Variants in TRIO observed in about 807,000 individuals in gnomAD.
The protein encoded by TRIO is triple functional domain protein.
In TRIO, 58 loss-of-function variants were observed where a neutral mutation model predicts 351.9. The ratio of observed to expected loss-of-function variants is 0.16; its 90% CI spans 0.13 to 0.21. The LOEUF (loss-of-function observed/expected upper bound fraction) is 0.21, where lower values mean the gene tolerates loss of function less well. TRIO is among the 10% of genes least tolerant of loss of function. TRIO has a pLI of 1.00. For synonymous variants in TRIO, 1,758 were observed against 1,595.7 expected (o/e 1.10, Z -2.42); for missense variants, 3,201 against 4,027.8 (o/e 0.79, Z 5.56).
At chr5:14,462,060 C>T (rs1001368447) in intron 35 of TRIO, among the ~76,000 whole-genome samples, 1 of 152,136 alleles carries the variant, frequency 6.6e-6, no homozygotes, top group Non-Finnish European at 1.5e-5. Flanking sequence ...TAACTTGGAT[C>T]GACCCCCGAC....
intron 1 of TRIO, among the ~76,000 whole-genome samples, chr5:14,174,693 C>T (rs1014990599): frequency 3.9e-5 from 6 of 152,178 alleles, no homozygotes; most frequent in Non-Finnish European, 7.3e-5. Context: ...TTGTGACATT[C>T]CCTCCATAGG....
intron 31 of TRIO, 152 bp from the exon 32 acceptor site, chr5:14,405,696 G>T: frequency 1.2e-6 from 1 of 813,140 alleles, no homozygotes; most frequent in Non-Finnish European, 1.9e-6. Flanking sequence ...TCATTTATTT[G>T]GTAGCATATT....
Position 14,487,569 on chromosome 5 carries a change from C to T in TRIO, c.6941C>T (p.Pro2314Leu). The T allele has an allele frequency of 8.9e-7, 1 of 1,123,732 alleles. No individual in the cohort carries two copies. Among genetic ancestry groups the T allele is most frequent in the Non-Finnish European group, 1.1e-6 (1 of 911,022 alleles). 69.6% of individuals were successfully genotyped at this position (1,123,732 alleles called of 1,614,324 possible). The change falls in exon 48 of 57, where the codon CCC (proline) becomes CTC (leucine). Residue 2314 changes from proline (P) to leucine (L), a missense_variant. By Grantham distance (98) the Pro-to-Leu change is moderately conservative. This residue lies in a region of TRIO where 1,089 missense variants were observed against 954.9 expected (regional missense o/e 1.14). Transcript: ENST00000344204. ...GGGGSGGGGA[P>L]SGGSGHSGGP... ...GGGGGCAGCGGCGGCGGCGGGGCCCCCAGTGGCGGCAGCGGCCACAGTGGC... is the reference window on the plus strand; with the variant it reads ...GGGGGCAGCGGCGGCGGCGGGGCCCTCAGTGGCGGCAGCGGCCACAGTGGC...
At chr5:14,427,592 G>T (rs887166698) in intron 34 of TRIO, among the ~76,000 whole-genome samples, 1 of 152,128 alleles carries the variant, frequency 6.6e-6, no homozygotes, top group Non-Finnish European at 1.5e-5. Flanking sequence ...CCCACCCAGG[G>T]CAGTTGACAG....
intron 39 of TRIO, 144 bp from the exon 40 acceptor site, chr5:14,473,849 GT>G (rs545184987): frequency 1.3e-4 from 82 of 638,522 alleles, no homozygotes; most frequent in Non-Finnish European, 1.9e-4. Flanking sequence ...TTTCATATCG[GT>G]TTTTTTTGTT....
intron 53 of TRIO, 75 bp from the exon 54 acceptor site, chr5:14,502,504 A>G: frequency 1.4e-6 from 2 of 1,469,164 alleles, no homozygotes; most frequent in Non-Finnish European, 1.9e-6. Context: ...TGTGAGGGAC[A>G]GTGCGTGGCG....
chr5:14,163,668 A>G (rs1157702663), intron 1 of TRIO, among the ~76,000 whole-genome samples: 1 of 152,254 alleles, frequency 6.6e-6, no homozygotes, highest in African/African-American at 2.4e-5. Context: ...GCACATTCAC[A>G]CATGCACATT....
chr5:14,232,254 C>T (rs984810663), intron 1 of TRIO, among the ~76,000 whole-genome samples: 8 of 152,058 alleles, frequency 5.3e-5, no homozygotes, highest in Admixed American at 2.6e-4. Context: ...TGAGGCATGC[C>T]CTCCTGCCAT....
chr5:14,411,941 C>T (rs570714565), intron 33 of TRIO, among the ~76,000 whole-genome samples: 2 of 151,836 alleles, frequency 1.3e-5, no homozygotes, highest in East Asian at 1.9e-4. Flanking sequence ...GCCTTAGCAC[C>T]GTGTTGGAGA....
intron 1 of TRIO, among the ~76,000 whole-genome samples, chr5:14,186,753 T>G (rs1279385500): frequency 1.3e-5 from 2 of 152,030 alleles, no homozygotes; most frequent in Non-Finnish European, 2.9e-5. Context: ...GATTTTTGTA[T>G]TTTTAGTAGA....
At chr5:14,404,741 G>A (rs1307718880) in intron 31 of TRIO, among the ~76,000 whole-genome samples, 1 of 152,162 alleles carries the variant, frequency 6.6e-6, no homozygotes, top group East Asian at 1.9e-4. Flanking sequence ...GGGAGCAAGA[G>A]GCTGCCTTTA....
rs531007583 is a variant in TRIO, at chr5:14,433,418, C to T, written c.5203+13397C>T. On this transcript the variant is annotated intron_variant, in intron 34 of 56. Transcript: ENST00000344204. ...GGGGTAAAGAAACCGGAGAAAACTTCCTCTGAACAGGAGTATCTTTGTGCA... is the reference window on the plus strand; with the variant it reads ...GGGGTAAAGAAACCGGAGAAAACTTTCTCTGAACAGGAGTATCTTTGTGCA... Among the ~76,000 whole-genome samples the T allele has an allele frequency of 5.9e-5, 9 of 152,300 alleles. No individual in the cohort carries two copies. The South Asian group carries it at 1.9e-3, about 32-fold the overall frequency.
In TRIO at chr5:14,360,983, G is replaced by A. The variant is rs942294720; in HGVS notation, c.2391+1452G>A. The stretch of plus-strand genomic sequence containing the variant: ...GCACCTGCACGCCGACCTCTGCCCC[G>A]TGAGGGCCTGCCATGTCCTCCCCAA... On this transcript the variant is annotated intron_variant, in intron 13 of 56. Coordinates refer to ENST00000344204, the MANE Select transcript of TRIO (RefSeq NM_007118.4). Among the ~76,000 whole-genome samples the A allele has an allele frequency of 3.9e-5, 6 of 152,212 alleles. No homozygotes were observed. The East Asian group carries it at 7.7e-4, about 20-fold the overall frequency.
chr5:14,175,259 G>A (rs1218256606), intron 1 of TRIO, among the ~76,000 whole-genome samples: 1 of 152,152 alleles, frequency 6.6e-6, no homozygotes, highest in Non-Finnish European at 1.5e-5. Context: ...AAAGTTTTGG[G>A]ATACATGTGC....
At chr5:14,386,838 C>T (rs1169411217) in intron 21 of TRIO, among the ~76,000 whole-genome samples, 1 of 143,840 alleles carries the variant, frequency 7.0e-6, no homozygotes, top group Non-Finnish European at 1.5e-5. Context: ...ATTTACAGTA[C>T]CTCTATATAG....
At position 14,286,581 on chromosome 5, in the gene TRIO, C is replaced by G. The variant is rs531654026; in HGVS notation, c.348-290C>G. Among the ~76,000 whole-genome samples, 35 of 152,240 alleles carry G rather than the reference C, an allele frequency of 2.3e-4. No homozygotes were observed. Among genetic ancestry groups the G allele is most frequent in the Non-Finnish European group, 4.4e-4 (30 of 68,022 alleles). ...ATGCACCAAAGTCAGGAGAAATGGG[C>G]ATGGTGACCGTTGTTTTCCTGAAAA... On this transcript the variant is annotated intron_variant, in intron 3 of 56. Transcript: ENST00000344204. This position sits in a 1 kb window ranked among gnomAD's most constrained non-coding sequence, Gnocchi z 4.4.
intron 35 of TRIO, among the ~76,000 whole-genome samples, chr5:14,462,307 A>G (rs1321504833): frequency 6.6e-6 from 1 of 152,238 alleles, no homozygotes; most frequent in African/African-American, 2.4e-5. Context: ...AGAGGAAAAG[A>G]ATACTCAAAT....
Position 14,167,916 on chromosome 5 carries a change from T to A in TRIO, c.157+24034T>A, listed in dbSNP as rs538898209. Among the ~76,000 whole-genome samples the A allele has an allele frequency of 3.9e-5, 6 of 152,350 alleles. No homozygotes were observed. In the South Asian group the frequency reaches 8.3e-4, roughly 21 times the overall value. On this transcript the variant is annotated intron_variant, in intron 1 of 56. Transcript: ENST00000344204. Reference sequence around the variant, plus strand: ...GAGATTGACTTAAATCTCTTTTTTTTAAATTGTGCTTTTTAATCTATATAT... The same window carrying A: ...GAGATTGACTTAAATCTCTTTTTTTAAAATTGTGCTTTTTAATCTATATAT...
intron 13 of TRIO, 102 bp downstream of exon 13, chr5:14,359,633 T>G: frequency 1.5e-6 from 2 of 1,373,726 alleles, no homozygotes; most frequent in Non-Finnish European, 2.0e-6. Context: ...TCCTGTGTCC[T>G]CACCCACACC....
Sources: gnomAD v4.1 joint callset for allele counts (sites outside exome capture counted in the v4.1 genomes callset) on GRCh38, gnomAD v4.1.1 for gene constraint, gnomAD v4.1.1 regional missense constraint, Gnocchi (gnomAD v3.1) non-coding constraint, MANE v1.5 for transcripts, NCBI Gene and HGNC (gene_info 2026-07-23, HGNC 2026-07-21) for gene names.